The following CPAMD8 variants were observed in gnomAD, a reference collection of about 807,000 sequenced individuals.
CPAMD8 encodes the protein C3 and PZP like alpha-2-macroglobulin domain containing 8.
CPAMD8 carries 146 observed loss-of-function variants against 224.7 expected under a neutral mutation model. The observed-to-expected ratio is 0.65, with a 90% CI of 0.57 to 0.75. The LOEUF (loss-of-function observed/expected upper bound fraction) is 0.75. CPAMD8 is among the 30% of genes least tolerant of loss of function. The pLI, the probability that CPAMD8 is intolerant of heterozygous loss-of-function variation, is 0.00. For synonymous variants in CPAMD8, 966 were observed against 1,044.6 expected, an observed-to-expected ratio of 0.92 and a Z score of 1.45; for missense variants, 2,301 against 2,537.5, an observed-to-expected ratio of 0.91 and a Z score of 2.00.
chr19:16,997,535 T>A (rs1243902690), intron 10 of CPAMD8, among the ~76,000 whole-genome samples, 197 bp from the exon 11 acceptor site: 1 of 152,066 alleles, frequency 6.6e-6, no homozygotes, highest in Non-Finnish European at 1.5e-5. Context: ...CCAGGGAAGA[T>A]GGATGTTGGC....
At chr19:16,934,181 G>T (rs1230522370) in intron 23 of CPAMD8, among the ~76,000 whole-genome samples, 1 of 152,158 alleles carries the variant, frequency 6.6e-6, no homozygotes, top group Non-Finnish European at 1.5e-5. Context: ...GAGTAAACAG[G>T]AGTGAGAGAT....
rs2054047371 is a variant in CPAMD8 at position 16,945,650 on chromosome 19, A to C, written c.2692T>G (p.Cys898Gly). The C allele has an allele frequency of 6.2e-7, 1 of 1,614,158 alleles. No individual in the cohort carries two copies. The highest frequency in any genetic ancestry group is 8.5e-7 in the Non-Finnish European group (1 of 1,179,994). ...TTGCTGGACCTCCCATCCCGGCAGC[A>C]ATTTGTGTCTCCGTAAGCAAGGGCT... ...AKALAYGDTN[C>G]CRDGRSSKHP... Residue 898 changes from cysteine to glycine, a missense_variant, in exon 22 of 42, where the codon TGC (cysteine) becomes GGC (glycine). By Grantham distance (159) the Cys-to-Gly change is radical. This residue lies in a region of CPAMD8 where 1,709 missense variants were observed against 1,753.2 expected (regional missense o/e 0.97). Coordinates refer to ENST00000443236, the MANE Select transcript of CPAMD8 (RefSeq NM_015692.5).
intron 18 of CPAMD8, 147 bp downstream of exon 18, chr19:16,970,744 C>A (rs2055031404): frequency 3.9e-6 from 3 of 775,634 alleles, no homozygotes; most frequent in Non-Finnish European, 6.2e-6. Context: ...ACTTCCAAGC[C>A]CCAAGAACCA....
intron 3 of CPAMD8, among the ~76,000 whole-genome samples, chr19:17,019,044 G>C (rs1329998475): frequency 6.6e-6 from 1 of 152,174 alleles, no homozygotes; most frequent in Non-Finnish European, 1.5e-5. Context: ...CAGAGACTTG[G>C]AAACATGGAA....
chr19:16,937,268 G>A (rs1599735647), intron 23 of CPAMD8, among the ~76,000 whole-genome samples: 2 of 152,094 alleles, frequency 1.3e-5, no homozygotes, highest in East Asian at 3.9e-4. Context: ...CCAAGTAGCT[G>A]GGACTACAGG....
intron 6 of CPAMD8, 128 bp downstream of exon 6, chr19:17,009,175 G>A: frequency 1.3e-6 from 2 of 1,525,486 alleles, no homozygotes; most frequent in Non-Finnish European, 1.8e-6. Flanking sequence ...AAGAGGCCAG[G>A]TCCCAGCCTT....
chr19:16,925,122 C>T (rs1316020084), intron 26 of CPAMD8, 74 bp downstream of exon 26: 29 of 1,505,446 alleles, frequency 1.9e-5, no homozygotes, highest in Non-Finnish European at 2.4e-5. Flanking sequence ...CCACCTCCAG[C>T]GTGGTCTTCT....
chr19:16,994,433 C>A (rs2056058817), intron 11 of CPAMD8, among the ~76,000 whole-genome samples: 1 of 151,760 alleles, frequency 6.6e-6, no homozygotes, highest in African/African-American at 2.4e-5. Flanking sequence ...TCTGAAGAAC[C>A]CTAAAACAGC....
chr19:16,954,766 C>T (rs759597220), intron 19 of CPAMD8, among the ~76,000 whole-genome samples: 3 of 152,144 alleles, frequency 2.0e-5, no homozygotes, highest in Admixed American at 6.6e-5. Context: ...GGGTGGATCA[C>T]GAGGTCAGGA....
intron 18 of CPAMD8, among the ~76,000 whole-genome samples, chr19:16,958,521 T>C (rs892912582): frequency 4.6e-5 from 7 of 152,256 alleles, no homozygotes; most frequent in African/African-American, 1.4e-4. Context: ...CAATCTGTCA[T>C]TGATGAGCAT....
In CPAMD8 at chr19:16,920,005, C is replaced by T. The variant is rs959639082; in HGVS notation, c.3629+1900G>A. 3.9e-5 allele frequency among the ~76,000 whole-genome samples: 6 copies of T among 152,180 alleles called. No individual in the cohort carries two copies. The East Asian group carries it at 1.2e-3, about 29-fold the overall frequency. On this transcript the variant is annotated intron_variant, in intron 27 of 41. Transcript: ENST00000443236. ...TCATCGGGTCTAAGGCCACACAGCT[C>T]ACATGAGACAGAGCTGAGGTTTGTC...
At chr19:16,906,337 CCTTTCTTTCTTTCTTTCTTTCTTTCTTT>C (rs35867251) in intron 30 of CPAMD8, among the ~76,000 whole-genome samples, 6 of 81,666 alleles carry the variant, frequency 7.3e-5, no homozygotes, top group East Asian at 8.5e-4. Flanking sequence ...TCCTTCTTTC[CCTTTCTTTCTTTCTTTCTTTCTTTCTTT>C]CTTTCTTTCT....
chr19:16,925,428 A>T, intron 25 of CPAMD8, 56 bp from the exon 26 acceptor site: 1 of 1,395,784 alleles, frequency 7.2e-7, no homozygotes, highest in Non-Finnish European at 1.0e-6. Flanking sequence ...AGTAGAGAAC[A>T]GGGACAGCTT....
rs377703600 is a variant in CPAMD8, at chr19:16,995,254, G to C, written c.1096-1668C>G. Among the ~76,000 whole-genome samples, 417 of 152,304 alleles carry C rather than the reference G, an allele frequency of 2.7e-3. 3 individuals are homozygous for C. The highest frequency in any genetic ancestry group is 9.6e-3 in the African/African-American group (398 of 41,574). ...GGACAGCCAGCCAGCATCACTCATGGACGGCAAAAGGGAACTGGGTGCAGA... is the reference window on the plus strand; with the variant it reads ...GGACAGCCAGCCAGCATCACTCATGCACGGCAAAAGGGAACTGGGTGCAGA... On this transcript the variant is annotated intron_variant, in intron 11 of 41. Coordinates refer to ENST00000443236, the MANE Select transcript of CPAMD8 (RefSeq NM_015692.5).
chr19:17,007,089 T>A lies in CPAMD8; in HGVS notation c.559+1416A>T, dbSNP rs541739411. On this transcript the variant is annotated intron_variant, in intron 7 of 41. Transcript: ENST00000443236. ...GGCTCATGCCTGTAATCCCAGCACT[T>A]TTCCGAGGCCGAGGCGGGCGGATCA... Among the ~76,000 whole-genome samples the A allele has an allele frequency of 3.3e-5, 5 of 152,044 alleles. No homozygotes were observed. The South Asian group carries it at 1.0e-3, about 32-fold the overall frequency.
chr19:16,904,176 A>ACGGGCCC, intron 32 of CPAMD8, 50 bp downstream of exon 32: 22 of 937,318 alleles, frequency 2.3e-5, no homozygotes, highest in Non-Finnish European at 2.7e-5. Flanking sequence ...GACTGCAGGG[A>ACGGGCCC]CCCCACCCAC....
At chr19:16,946,928 T>C (rs1036187486) in intron 21 of CPAMD8, 146 bp downstream of exon 21, 3 of 772,440 alleles carry the variant, frequency 3.9e-6, no homozygotes, top group African/African-American at 3.6e-5. Flanking sequence ...TCTGTCCTGC[T>C]TGCCCCAGTT....
chr19:17,001,400 G>A (rs1349351144), intron 9 of CPAMD8, among the ~76,000 whole-genome samples: 2 of 151,832 alleles, frequency 1.3e-5, no homozygotes, highest in African/African-American at 2.4e-5. Flanking sequence ...TGGATGCCAG[G>A]GAGGCCTGCA....
intron 12 of CPAMD8, among the ~76,000 whole-genome samples, chr19:16,991,963 A>T (rs7256232): frequency 6.6e-6 from 1 of 152,104 alleles, no homozygotes; most frequent in Non-Finnish European, 1.5e-5. Context: ...TGTGAATGTC[A>T]AGTGGCAAGG....
Sources: gnomAD v4.1 joint callset for allele counts (sites outside exome capture counted in the v4.1 genomes callset) on GRCh38, gnomAD v4.1.1 for gene constraint, gnomAD v4.1.1 regional missense constraint, MANE v1.5 for transcripts, NCBI Gene and HGNC (gene_info 2026-07-23, HGNC 2026-07-21) for gene names.